Variants in CDC73 observed in about 807,000 individuals in gnomAD.
CDC73 encodes the protein parafibromin.
In CDC73, 21 loss-of-function variants were observed where a neutral mutation model predicts 83.7. The observed-to-expected ratio is 0.25, with a 90% CI of 0.18 to 0.36. The LOEUF is 0.36. Ranked by LOEUF, CDC73 falls within the 10% of genes least tolerant of loss-of-function variation. The pLI is 1.00. For missense variants in CDC73, 342 were observed against 653.3 expected, an observed-to-expected ratio of 0.52 and a Z score of 5.19; for synonymous variants, 224 against 212.9, an observed-to-expected ratio of 1.05 and a Z score of -0.45.
chr1:193,191,109 C>T (rs530424361), intron 10 of CDC73, among the ~76,000 whole-genome samples: 1 of 152,220 alleles, frequency 6.6e-6, no homozygotes, highest in Non-Finnish European at 1.5e-5. Flanking sequence ...ATATTTTGTT[C>T]AGTTTTAACG....
intron 10 of CDC73, chr1:193,186,741 T>A (rs1676817171): frequency 6.6e-6 from 1 of 152,170 alleles, no homozygotes; most frequent in South Asian, 2.1e-4. Context: ...ATTTTGCTTT[T>A]ATGTGATAAA....
intron 14 of CDC73, 45 bp downstream of exon 14, chr1:193,233,199 C>A: frequency 6.6e-7 from 1 of 1,522,980 alleles, no homozygotes; most frequent in Non-Finnish European, 9.1e-7. Context: ...GTGTTGAACC[C>A]AAGAGAATGA....
Position 193,254,228 on chromosome 1 carries a change from A to G in CDC73, c.*3516A>G, listed in dbSNP as rs1303816591. Among the ~76,000 whole-genome samples the G allele has an allele frequency of 6.6e-6, 1 of 151,994 alleles. No homozygotes were observed. The highest frequency in any genetic ancestry group is 1.5e-5 in the Non-Finnish European group (1 of 67,908). ...AAGAAATTATTGGTTTGTCTGGTTA[A>G]AGTCCATATAGAATGCTGAGAAATA... is the stretch of plus-strand genomic sequence containing the variant. On this transcript the variant is annotated 3_prime_UTR_variant, in exon 17 of 17. Coordinates refer to ENST00000367435, the MANE Select transcript of CDC73 (RefSeq NM_024529.5).
chr1:193,198,202 G>A (rs1253547022), intron 10 of CDC73, among the ~76,000 whole-genome samples: 1 of 152,120 alleles, frequency 6.6e-6, no homozygotes, highest in Non-Finnish European at 1.5e-5. Context: ...GTCTGATTGG[G>A]GGAAGCAGAC....
intron 13 of CDC73, among the ~76,000 whole-genome samples, chr1:193,229,950 T>C (rs1031620185): frequency 1.3e-5 from 2 of 152,122 alleles, no homozygotes; most frequent in Admixed American, 6.6e-5. Flanking sequence ...TTGACACAGA[T>C]GTTCTTTATC....
At chr1:193,248,360 A>G (rs1009614048) in intron 15 of CDC73, among the ~76,000 whole-genome samples, 3 of 152,124 alleles carry the variant, frequency 2.0e-5, no homozygotes, top group African/African-American at 4.8e-5. Flanking sequence ...CTGATTGACA[A>G]TGTACCTAGT....
At chr1:193,225,518 C>T (rs1445012388) in intron 13 of CDC73, among the ~76,000 whole-genome samples, 1 of 151,974 alleles carries the variant, frequency 6.6e-6, no homozygotes, top group Non-Finnish European at 1.5e-5. Flanking sequence ...GTTTACATTC[C>T]CACTAGCAAT....
chr1:193,129,297 A>C (rs894636262), intron 2 of CDC73, among the ~76,000 whole-genome samples: 14 of 149,662 alleles, frequency 9.4e-5, no homozygotes, highest in Non-Finnish European at 1.8e-4. Context: ...CGCCCTGCCT[A>C]ATTTTTGTGT....
At chr1:193,235,310 A>G (rs768395785) in intron 14 of CDC73, among the ~76,000 whole-genome samples, 1 of 152,014 alleles carries the variant, frequency 6.6e-6, no homozygotes, top group Non-Finnish European at 1.5e-5. Flanking sequence ...CAACATGCCC[A>G]TGCACTTGTT....
At chr1:193,199,825 C>A (rs1192203176) in intron 10 of CDC73, among the ~76,000 whole-genome samples, 1 of 151,792 alleles carries the variant, frequency 6.6e-6, no homozygotes, top group Non-Finnish European at 1.5e-5. Flanking sequence ...TAAAAGCATT[C>A]AAGGGTATGA....
intron 10 of CDC73, among the ~76,000 whole-genome samples, chr1:193,175,240 A>G (rs1676581375): frequency 1.3e-5 from 2 of 152,196 alleles, no homozygotes; most frequent in African/African-American, 4.8e-5. Context: ...GCAACAGATT[A>G]TGTGGATATG....
At chr1:193,193,344 T>C (rs1358084900) in intron 10 of CDC73, among the ~76,000 whole-genome samples, 1 of 152,208 alleles carries the variant, frequency 6.6e-6, no homozygotes, top group East Asian at 1.9e-4. Context: ...ATTATAAAGA[T>C]AGCAAGATAA....
In CDC73 at chr1:193,147,941, A is replaced by T. The variant is rs2103130595; in HGVS notation, c.804A>T (p.Arg268=). Reference sequence around the variant, plus strand: ...AAGAAGGGCGTGCACCTGAACAGCGACCTGCCCCAAATGCAGCACCTGTGG... The same window carrying T: ...AAGAAGGGCGTGCACCTGAACAGCGTCCTGCCCCAAATGCAGCACCTGTGG... ...AREEGRAPEQ[R]PAPNAAPVDP... Residue 268 remains arginine, a synonymous_variant, in exon 8 of 17, where the codon CGA becomes CGT. Transcript: ENST00000367435. The T allele has an allele frequency of 6.2e-7, 1 of 1,613,002 alleles. No homozygotes were observed. The highest frequency in any genetic ancestry group is 8.5e-7 in the Non-Finnish European group (1 of 1,178,952).
intron 10 of CDC73, among the ~76,000 whole-genome samples, chr1:193,165,409 A>T (rs1402029603): frequency 2.0e-5 from 3 of 152,238 alleles, no homozygotes; most frequent in Non-Finnish European, 4.4e-5. Flanking sequence ...TAAAGTACAA[A>T]TAGAGAAGTA....
intron 11 of CDC73, among the ~76,000 whole-genome samples, chr1:193,204,221 ATATATG>A (rs1285793633): frequency 3.0e-3 from 38 of 12,842 alleles, no homozygotes; most frequent in Non-Finnish European, 4.9e-3. Context: ...ATATATGTAT[ATATATG>A]TATATATACA....
At position 193,181,360 on chromosome 1, in the gene CDC73, C is replaced by T. The variant is rs182305763; in HGVS notation, c.973-22435C>T. 9.0e-5 allele frequency: 146 copies of T among 1,613,846 alleles called. No homozygotes were observed. In the East Asian group the frequency reaches 2.4e-3, roughly 27 times the overall value. On this transcript the variant is annotated intron_variant, in intron 10 of 16. Coordinates refer to ENST00000367435, the MANE Select transcript of CDC73 (RefSeq NM_024529.5). ...GTGGTTTGTCTCACTTTTTGTTGACCGAAATCCTCGGAAAGTGTATGTCAC... is the reference window on the plus strand; with the variant it reads ...GTGGTTTGTCTCACTTTTTGTTGACTGAAATCCTCGGAAAGTGTATGTCAC...
At chr1:193,171,395 A>G (rs1349208108) in intron 10 of CDC73, among the ~76,000 whole-genome samples, 7 of 152,182 alleles carry the variant, frequency 4.6e-5, no homozygotes, top group Admixed American at 1.3e-4. Flanking sequence ...GTCAACAGCA[A>G]TGTGTTCCTT....
In CDC73 at chr1:193,134,371, A is replaced by G. The variant is rs545578127; in HGVS notation, c.308-1020A>G. Reference sequence around the variant, plus strand: ...ATACAGTAGAGTACTCAGTAGCTATAAAAAAATGGTTAAAGAGGGCCGGGC... The same window carrying G: ...ATACAGTAGAGTACTCAGTAGCTATGAAAAAATGGTTAAAGAGGGCCGGGC... On this transcript the variant is annotated intron_variant, in intron 3 of 16. Transcript: ENST00000367435. Among the ~76,000 whole-genome samples the G allele has an allele frequency of 7.0e-4, 106 of 152,136 alleles. 1 individual carries two copies. Among genetic ancestry groups the G allele is most frequent in the Middle Eastern group, 6.8e-3 (2 of 292 alleles).
intron 10 of CDC73, among the ~76,000 whole-genome samples, chr1:193,153,708 TTG>T (rs1228892802): frequency 6.6e-6 from 1 of 152,224 alleles, no homozygotes; most frequent in East Asian, 1.9e-4. Context: ...GTCATCAGAT[TTG>T]TTTTTGTATT....
Sources: gnomAD v4.1 joint callset for allele counts (sites outside exome capture counted in the v4.1 genomes callset) on GRCh38, gnomAD v4.1.1 for gene constraint, MANE v1.5 for transcripts, NCBI Gene and HGNC (gene_info 2026-07-23, HGNC 2026-07-21) for gene names.